The following DCTN2 variants were observed in gnomAD, a reference collection of about 807,000 sequenced individuals.
DCTN2 encodes 50 kDa dynein-associated polypeptide.
Under a neutral mutation model 55.4 loss-of-function variants are expected in DCTN2, and 18 were observed. The ratio of observed to expected loss-of-function variants is 0.32; its 90% CI spans 0.22 to 0.48. The LOEUF is 0.48. Ranked by LOEUF, DCTN2 falls within the 20% of genes least tolerant of loss-of-function variation. The pLI, the probability that DCTN2 is intolerant of heterozygous loss-of-function variation, is 0.99. For missense variants in DCTN2, 390 were observed against 491.0 expected, an observed-to-expected ratio of 0.79 and a Z score of 1.94; for synonymous variants, 168 against 185.2, an observed-to-expected ratio of 0.91 and a Z score of 0.76.
At chr12:57,542,760 A>G (rs1230301827) in intron 2 of DCTN2, 1 of 454,548 alleles carries the variant, frequency 2.2e-6, no homozygotes, top group Non-Finnish European at 4.4e-6. Flanking sequence ...CAAAGGTTGC[A>G]GTGAGACAAG....
Position 57,530,548 on chromosome 12 carries a change from C to T in DCTN2, c.*141G>A, listed in dbSNP as rs1026835337. The T allele has an allele frequency of 8.3e-6, 6 of 720,412 alleles. No homozygotes were observed. Among genetic ancestry groups the T allele is most frequent in the Non-Finnish European group, 1.2e-5 (5 of 433,194 alleles). The allele number at this position is 720,412 out of a possible 1,614,324, so 44.6% of individuals were successfully genotyped here. A position where few individuals can be genotyped will look rare whatever the true frequency, so the allele number is the denominator to read the frequency against. Reference sequence around the variant, plus strand: ...ATTCATCAGGGGAGGGGTATAAACCCCACATGCAAGAAGAACCCTTGCCCC... The same window carrying T: ...ATTCATCAGGGGAGGGGTATAAACCTCACATGCAAGAAGAACCCTTGCCCC... On this transcript the variant is annotated 3_prime_UTR_variant, in exon 14 of 14. Transcript: ENST00000548249.
At chr12:57,542,905 G>C in intron 2 of DCTN2, 1 of 456,064 alleles carries the variant, frequency 2.2e-6, no homozygotes, top group Non-Finnish European at 4.4e-6. Flanking sequence ...AGAACTGAGT[G>C]GTGGTAGGCA....
chr12:57,535,338 CAG>C (rs1880141871), intron 4 of DCTN2, 144 bp downstream of exon 4: 1 of 1,146,886 alleles, frequency 8.7e-7, no homozygotes, highest in East Asian at 2.4e-5. Context: ...AGCAGTAGGG[CAG>C]AGTTTCCCTG....
At chr12:57,543,839 A>G in intron 2 of DCTN2, 1 of 1,289,342 alleles carries the variant, frequency 7.8e-7, no homozygotes, top group Non-Finnish European at 1.0e-6. Flanking sequence ...CAGGAAATGA[A>G]CACTCACAGT....
At chr12:57,541,519 C>T in intron 2 of DCTN2, 2 of 759,946 alleles carry the variant, frequency 2.6e-6, no homozygotes, top group South Asian at 3.8e-5. Flanking sequence ...TTTCTCATCT[C>T]AGGAGTGTCC....
intron 2 of DCTN2, among the ~76,000 whole-genome samples, chr12:57,536,512 A>G (rs1376957653): frequency 3.9e-5 from 6 of 152,170 alleles, no homozygotes; most frequent in Non-Finnish European, 5.9e-5. Context: ...CATAGGCAAT[A>G]TCTGCTTGCC....
At chr12:57,545,931 A>T (rs1403486640) in intron 2 of DCTN2, 97 bp downstream of exon 2, 3 of 1,307,810 alleles carry the variant, frequency 2.3e-6, no homozygotes, top group African/African-American at 1.5e-5. Flanking sequence ...GGGTTGGCAT[A>T]CCCGCTTATT....
At chr12:57,533,138 C>T in intron 8 of DCTN2, 100 bp downstream of exon 8, 1 of 1,561,832 alleles carries the variant, frequency 6.4e-7, no homozygotes, top group Non-Finnish European at 8.8e-7. Flanking sequence ...TAACTGAAGC[C>T]CTTTGATGAC....
chr12:57,542,971 T>A, intron 2 of DCTN2: 1 of 456,022 alleles, frequency 2.2e-6, no homozygotes, highest in Non-Finnish European at 4.4e-6. Flanking sequence ...TCCCTGTGCA[T>A]ACATTACCTA....
At chr12:57,540,973 C>T (rs1165703686) in intron 2 of DCTN2, among the ~76,000 whole-genome samples, 4 of 152,160 alleles carry the variant, frequency 2.6e-5, no homozygotes, top group Non-Finnish European at 5.9e-5. Context: ...GTTTTCTATC[C>T]TTGTCTAGAA....
At chr12:57,533,203 C>G (rs772045825) in intron 8 of DCTN2, 35 bp downstream of exon 8, 2 of 1,609,078 alleles carry the variant, frequency 1.2e-6, no homozygotes, top group African/African-American at 1.3e-5. Context: ...GTTGCAGGAT[C>G]TAAGGCTCAG....
At chr12:57,546,909 G>A in intron 1 of DCTN2, 119 bp downstream of exon 1, 1 of 856,584 alleles carries the variant, frequency 1.2e-6, no homozygotes, top group Non-Finnish European at 1.6e-6. Flanking sequence ...AACGAGCGGC[G>A]GGAGCCCTTG....
Position 57,533,003 on chromosome 12 carries a change from A to T in DCTN2, c.755T>A (p.Leu252Gln). The change falls in exon 9 of 14, where the codon CTA becomes CAA. Residue 252 changes from leucine to glutamine, a missense_variant. Leu to Gln is a moderately radical substitution (Grantham distance 113). This residue lies in a region of DCTN2 where 273 missense variants were observed against 303.2 expected (regional missense o/e 0.90). Coordinates refer to ENST00000548249, the MANE Select transcript of DCTN2 (RefSeq NM_001261413.2). The stretch of plus-strand genomic sequence containing the variant: ...ACTCACCATGAGACAGGCTCCCTGT[A>T]GACCTGCAGAAAGGGGATTCTGGTG... ...QDAQNPLSAG[L>Q]QGACLMETVE... The T allele has an allele frequency of 6.2e-7, 1 of 1,603,928 alleles. No homozygotes were observed. Among genetic ancestry groups the T allele is most frequent in the Non-Finnish European group, 8.5e-7 (1 of 1,175,274 alleles).
chr12:57,533,512 C>T (rs1879934232), intron 7 of DCTN2, among the ~76,000 whole-genome samples: 1 of 152,196 alleles, frequency 6.6e-6, no homozygotes, highest in African/African-American at 2.4e-5. Flanking sequence ...TGGCTCACGC[C>T]TGTAATCCCA....
rs1319586735 is a variant in DCTN2, at chr12:57,530,561, G to C, written c.*128C>G. 2.5e-6 allele frequency: 2 copies of C among 798,976 alleles called. No homozygotes were observed. Among genetic ancestry groups the C allele is most frequent in the African/African-American group, 3.4e-5 (2 of 58,144 alleles). 49.5% of individuals were successfully genotyped at this position (798,976 alleles called of 1,614,324 possible). On this transcript the variant is annotated 3_prime_UTR_variant, in exon 14 of 14. Transcript: ENST00000548249. ...GGGGTATAAACCCCACATGCAAGAA[G>C]AACCCTTGCCCCCAGTGTCAAATGG...
At chr12:57,543,495 T>C (rs1461933406) in intron 2 of DCTN2, among the ~76,000 whole-genome samples, 2 of 152,148 alleles carry the variant, frequency 1.3e-5, no homozygotes, top group African/African-American at 4.8e-5. Context: ...CTCACGGACA[T>C]GACATTTCTA....
chr12:57,532,457 TC>T, intron 11 of DCTN2, 114 bp downstream of exon 11: 13 of 1,367,326 alleles, frequency 9.5e-6, no homozygotes, highest in African/African-American at 1.4e-5. Context: ...GATAAGCTCT[TC>T]ATAAGAGCTT....
chr12:57,533,387 G>T, intron 7 of DCTN2, 84 bp from the exon 8 acceptor site: 2 of 1,214,418 alleles, frequency 1.6e-6, no homozygotes, highest in Non-Finnish European at 2.4e-6. Flanking sequence ...TACTCTGCCT[G>T]CCACTCACCA....
intron 13 of DCTN2, among the ~76,000 whole-genome samples, chr12:57,531,660 C>A (rs556525979): frequency 6.6e-6 from 1 of 152,278 alleles, no homozygotes; most frequent in African/African-American, 2.4e-5. Context: ...CTTCAAAGCC[C>A]GGATTCCTTC....
Sources: gnomAD v4.1 joint callset for allele counts (sites outside exome capture counted in the v4.1 genomes callset) on GRCh38, gnomAD v4.1.1 for gene constraint, gnomAD v4.1.1 regional missense constraint, MANE v1.5 for transcripts, NCBI Gene and HGNC (gene_info 2026-07-23, HGNC 2026-07-21) for gene names.